The following E2F4 variants were observed in gnomAD, a reference collection of about 807,000 sequenced individuals.
E2F4 encodes the protein transcription factor E2F4.
E2F4 carries 16 observed loss-of-function variants against 44.5 expected under a neutral mutation model. The observed-to-expected ratio is 0.36, with a 90% CI of 0.24 to 0.55. E2F4 has a LOEUF of 0.55. Ranked by LOEUF, E2F4 falls within the 20% of genes least tolerant of loss-of-function variation. The pLI is 0.87. For synonymous variants in E2F4, 242 were observed against 207.2 expected (o/e 1.17, Z -1.44); for missense variants, 473 against 522.1 (o/e 0.91, Z 0.92).
chr16:67,193,371 C>G, intron 3 of E2F4, 101 bp from the exon 4 acceptor site: 4 of 1,537,098 alleles, frequency 2.6e-6, no homozygotes, highest in Non-Finnish European at 3.6e-6. Flanking sequence ...AGAACGGTCT[C>G]TGAGGGCCTG....
At chr16:67,193,232 C>T (rs1263125034) in intron 3 of E2F4, 62 bp downstream of exon 3, 7 of 1,535,294 alleles carry the variant, frequency 4.6e-6, no homozygotes, top group Non-Finnish European at 6.2e-6. Flanking sequence ...TCAACTTGCC[C>T]TGAGTCCTGT....
intron 1 of E2F4, 163 bp downstream of exon 1, chr16:67,192,525 GC>G: frequency 8.7e-7 from 1 of 1,143,578 alleles, no homozygotes; most frequent in Non-Finnish European, 1.2e-6. Context: ...TTCGGCCGAG[GC>G]CATCGAGCTA....
At chr16:67,192,926 G>T in intron 2 of E2F4, 56 bp downstream of exon 2, 2 of 1,571,448 alleles carry the variant, frequency 1.3e-6, no homozygotes, top group Non-Finnish European at 1.7e-6. Flanking sequence ...TGTCGGGCGT[G>T]GGGTGGAGGG....
chr16:67,194,892 A>G lies in E2F4; in HGVS notation c.720A>G (p.Ser240=), dbSNP rs1164666434. 22 of 1,614,038 alleles carry G rather than the reference A, an allele frequency of 1.4e-5. No homozygotes were observed. The highest frequency in any genetic ancestry group is 1.6e-5 in the Non-Finnish European group (19 of 1,180,026). ...KPALAQSQEA[S]RPNSPQLTPT... The stretch of plus-strand genomic sequence containing the variant: ...CCCTAGCCCAGTCCCAGGAAGCCTC[A>G]CGTCCAAATAGTCCTCAGCTCACTC... Residue 240 remains serine, a synonymous_variant, in exon 6 of 10, where the codon TCA becomes TCG. Coordinates refer to ENST00000379378, the MANE Select transcript of E2F4 (RefSeq NM_001950.4).
intron 6 of E2F4, 106 bp downstream of exon 6, chr16:67,195,086 C>G (rs2032946628): frequency 1.4e-6 from 2 of 1,391,236 alleles, no homozygotes; most frequent in South Asian, 2.8e-5. Flanking sequence ...GGGGATTGTC[C>G]TTTTCCTGAC....
rs1484867285 is a variant in E2F4, at chr16:67,194,859, C to T, written c.687C>T (p.Pro229=). ...CTGTTTCTACACCTCCACCTCTGCC[C>T]AAGCCTGCCCTAGCCCAGTCCCAGG... The part of the protein sequence containing the change: ...PSAVSTPPPL[P]KPALAQSQEA... Residue 229 remains proline (P), a synonymous_variant, in exon 6 of 10, where the codon CCC becomes CCT. Transcript: ENST00000379378. The T allele has an allele frequency of 1.2e-6, 2 of 1,614,072 alleles. No individual in the cohort carries two copies. Among genetic ancestry groups the T allele is most frequent in the East Asian group, 2.2e-5 (1 of 44,888 alleles).
rs776775240 is a variant in E2F4, at chr16:67,192,302, C to A, written c.75C>A (p.Leu25=). ...GGCACGAAAAGAGCCTGGGACTGCT[C>A]ACCACCAAGTTCGTGTCCCTTCTGC... ...PSRHEKSLGL[L]TTKFVSLLQE... The change falls in exon 1 of 10, where the codon CTC becomes CTA. Residue 25 remains leucine, a synonymous_variant. Coordinates refer to ENST00000379378, the MANE Select transcript of E2F4 (RefSeq NM_001950.4). 3 of 1,414,744 alleles carry A rather than the reference C, an allele frequency of 2.1e-6. No individual in the cohort carries two copies. Among genetic ancestry groups the A allele is most frequent in the Admixed American group, 2.9e-5 (1 of 34,770 alleles). The allele number at this position is 1,414,744 out of a possible 1,614,324, so 87.6% of individuals were successfully genotyped here.
Position 67,194,698 on chromosome 16 carries a change from CAGA to C in E2F4, c.532_534del (p.Lys178del), listed in dbSNP as rs1567688095. On this transcript the variant is annotated inframe_deletion, in exon 6 of 10. Transcript: ENST00000379378. ...CACCCATCTCTAGGGTCTCAATGGG[CAGA>C]AGAAGTACCAGATTCACCTGAAGAG... The C allele has an allele frequency of 8.1e-6, 13 of 1,611,998 alleles. No homozygotes were observed. In the Admixed American group the frequency reaches 8.3e-5, roughly 10 times the overall value.
At chr16:67,197,206 G>A (rs571269056) in intron 7 of E2F4, among the ~76,000 whole-genome samples, 18 of 152,278 alleles carry the variant, frequency 1.2e-4, no homozygotes, top group Admixed American at 8.5e-4. Flanking sequence ...TCATCACCCT[G>A]TAGCGCCACC....
At position 67,192,811 on chromosome 16, in the gene E2F4, C is replaced by A; in HGVS notation, c.186C>A (p.Thr62=). ...VRQKRRIYDI[T]NVLEGIGLIE... ...AGAAGCGGCGGATTTACGACATTACCAATGTTTTGGAAGGTATCGGGCTAA... is the reference window on the plus strand; with the variant it reads ...AGAAGCGGCGGATTTACGACATTACAAATGTTTTGGAAGGTATCGGGCTAA... The change falls in exon 2 of 10, where the codon ACC becomes ACA. Residue 62 remains threonine (T), a synonymous_variant. Transcript: ENST00000379378. 1 of 1,613,074 alleles carries A rather than the reference C, an allele frequency of 6.2e-7. No individual in the cohort carries two copies. The highest frequency in any genetic ancestry group is 8.5e-7 in the Non-Finnish European group (1 of 1,179,532).
intron 1 of E2F4, 57 bp from the exon 2 acceptor site, chr16:67,192,703 AG>A: frequency 6.7e-7 from 1 of 1,497,944 alleles, no homozygotes; most frequent in Non-Finnish European, 9.2e-7. Flanking sequence ...ACCACGTCTC[AG>A]GGTGGCTGGG....
At position 67,195,955 on chromosome 16, in the gene E2F4, G is replaced by A. The variant is rs772635193; in HGVS notation, c.982G>A (p.Gly328Arg). 32 of 1,613,600 alleles carry A rather than the reference G, an allele frequency of 2.0e-5. No individual in the cohort carries two copies. Among genetic ancestry groups the A allele is most frequent in the Admixed American group, 6.7e-5 (4 of 59,974 alleles). The change falls in exon 7 of 10, where the codon GGA (glycine) becomes AGA (arginine). Residue 328 changes from glycine to arginine, a missense_variant. This residue lies in a region of E2F4 where 314 missense variants were observed against 315.6 expected (regional missense o/e 0.99). Transcript: ENST00000379378. Reference sequence around the variant, plus strand: ...CAACAGTAACAGCAGCAGTTCGTCCGGACCCAACCCTTCTACCTCCTTTGA... The same window carrying A: ...CAACAGTAACAGCAGCAGTTCGTCCAGACCCAACCCTTCTACCTCCTTTGA... ...SSNSNSSSSS[G>R]PNPSTSFEPI...
At position 67,196,043 on chromosome 16, in the gene E2F4, C is replaced by G. The variant is rs756058018; in HGVS notation, c.1033+37C>G. The G allele has an allele frequency of 2.3e-5, 37 of 1,611,192 alleles. 1 individual carries two copies. The South Asian group carries it at 4.1e-4, about 18-fold the overall frequency. On this transcript the variant is annotated intron_variant, in intron 7 of 9. Coordinates refer to ENST00000379378, the MANE Select transcript of E2F4 (RefSeq NM_001950.4). ...CCCCCTGGGGGCAGAGAGAGAGAGT[C>G]TAGCCTCAGTCCAGTCCTAGGTCAG...
chr16:67,195,644 G>A, intron 6 of E2F4, 138 bp from the exon 7 acceptor site: 1 of 1,498,960 alleles, frequency 6.7e-7, no homozygotes, highest in Non-Finnish European at 8.9e-7. Flanking sequence ...ACTTCCTCTG[G>A]GGGTGACTGG....
At chr16:67,193,941 G>C in intron 4 of E2F4, 1 of 243,994 alleles carries the variant, frequency 4.1e-6, no homozygotes, top group South Asian at 7.0e-5. Flanking sequence ...TAAGAGATGG[G>C]CTCTTGCTGT....
intron 4 of E2F4, chr16:67,194,008 C>T (rs2032928603): frequency 4.1e-6 from 1 of 242,962 alleles, no homozygotes; most frequent in Admixed American, 5.1e-5. Context: ...CCTCAACCCC[C>T]TAAAGTGCTG....
chr16:67,193,325 A>G (rs2032918000), intron 3 of E2F4, 147 bp from the exon 4 acceptor site: 4 of 1,488,050 alleles, frequency 2.7e-6, no homozygotes, highest in Non-Finnish European at 3.7e-6. Context: ...TTCCACTCTT[A>G]GCCTGTGATC....
In E2F4 at chr16:67,192,291, C is replaced by T; in HGVS notation, c.64C>T (p.Leu22=). 7.2e-7 allele frequency: 1 copy of T among 1,395,524 alleles called. No homozygotes were observed. Among genetic ancestry groups the T allele is most frequent in the Non-Finnish European group, 9.3e-7 (1 of 1,071,740 alleles). The allele number at this position is 1,395,524 out of a possible 1,614,324, so 86.4% of individuals were successfully genotyped here. Residue 22 remains leucine (L), a synonymous_variant, in exon 1 of 10, where the codon CTG becomes TTG. Transcript: ENST00000379378. ...CACTCCAAGCCGGCACGAAAAGAGC[C>T]TGGGACTGCTCACCACCAAGTTCGT... is the stretch of plus-strand genomic sequence containing the variant. The part of the protein sequence containing the change: ...PGTPSRHEKS[L]GLLTTKFVSL...
At position 67,194,830 on chromosome 16, in the gene E2F4, T is replaced by C; in HGVS notation, c.658T>C (p.Ser220Pro). 1 of 1,614,168 alleles carries C rather than the reference T, an allele frequency of 6.2e-7. No homozygotes were observed. The highest frequency in any genetic ancestry group is 2.2e-5 in the East Asian group (1 of 44,878). Residue 220 changes from serine to proline, a missense_variant, in exon 6 of 10, where the codon TCT (serine) becomes CCT (proline). Ser to Pro is a moderately conservative substitution (Grantham distance 74). Transcript: ENST00000379378. ...ACCTGAAGATTTGCTCCAGAGCCCATCTGCTGTTTCTACACCTCCACCTCT... is the reference window on the plus strand; with the variant it reads ...ACCTGAAGATTTGCTCCAGAGCCCACCTGCTGTTTCTACACCTCCACCTCT... Reference protein sequence around the residue: ...PPPEDLLQSPSAVSTPPPLPK... With the variant: ...PPPEDLLQSPPAVSTPPPLPK...
Sources: gnomAD v4.1 joint callset for allele counts (sites outside exome capture counted in the v4.1 genomes callset) on GRCh38, gnomAD v4.1.1 for gene constraint, gnomAD v4.1.1 regional missense constraint, MANE v1.5 for transcripts, NCBI Gene and HGNC (gene_info 2026-07-23, HGNC 2026-07-21) for gene names.